The following ABCC8 variants were observed in gnomAD, a reference collection of about 807,000 sequenced individuals.
ABCC8 encodes ATP binding cassette subfamily C member 8.
In ABCC8, 137 loss-of-function variants were observed where a neutral mutation model predicts 188.0. The ratio of observed to expected loss-of-function variants is 0.73; its 90% confidence interval spans 0.63 to 0.84. The LOEUF (loss-of-function observed/expected upper bound fraction) is 0.84. Ranked by LOEUF, ABCC8 falls within the 40% of genes least tolerant of loss-of-function variation. The probability of loss-of-function intolerance (pLI) is 0.00; values close to 1 mark genes in which losing one functional copy is unlikely to be tolerated. For missense variants in ABCC8, 1,750 were observed against 2,072.7 expected (o/e 0.84, Z 3.02); for synonymous variants, 797 against 846.5 (o/e 0.94, Z 1.01).
chr11:17,460,406 C>T, intron 6 of ABCC8, 82 bp downstream of exon 6: 2 of 1,602,682 alleles, frequency 1.2e-6, no homozygotes, highest in Non-Finnish European at 1.7e-6. Context: ...GGCCATGGCT[C>T]ACACACATTG....
intron 29 of ABCC8, among the ~76,000 whole-genome samples, chr11:17,399,276 A>C (rs1178504023): frequency 7.2e-5 from 2 of 27,886 alleles, no homozygotes; most frequent in Non-Finnish European, 1.6e-4. Context: ...ACTCTGCCTC[A>C]AAAAAAAAAA....
intron 8 of ABCC8, among the ~76,000 whole-genome samples, chr11:17,446,420 C>G (rs1446398945): frequency 6.6e-6 from 1 of 151,890 alleles, no homozygotes; most frequent in Non-Finnish European, 1.5e-5. Flanking sequence ...GAAGCATGGT[C>G]AGAAATCTTC....
intron 12 of ABCC8, chr11:17,430,305 C>A (rs949122684): frequency 6.8e-5 from 14 of 206,724 alleles, no homozygotes; most frequent in African/African-American, 3.2e-4. Context: ...GAGCTGTGGG[C>A]CAATCAGAGC....
intron 6 of ABCC8, among the ~76,000 whole-genome samples, chr11:17,458,308 C>A (rs78187424): frequency 6.6e-6 from 1 of 152,184 alleles, no homozygotes; most frequent in Admixed American, 6.5e-5. Flanking sequence ...TCCAATGAGA[C>A]GGTAATAAAC....
At chr11:17,448,313 G>T in intron 8 of ABCC8, 2 of 604,704 alleles carry the variant, frequency 3.3e-6, no homozygotes, top group South Asian at 3.9e-5. Context: ...TGCCTTCTCT[G>T]GTCATTAAGA....
intron 1 of ABCC8, 91 bp downstream of exon 1, chr11:17,476,535 CCGG>C: frequency 6.7e-7 from 1 of 1,487,368 alleles, no homozygotes; most frequent in South Asian, 1.2e-5. Flanking sequence ...CGGTCGCGGG[CCGG>C]AAGGGGACGC....
In ABCC8 at chr11:17,463,464, C is replaced by G; in HGVS notation, c.553G>C (p.Val185Leu). The G allele has an allele frequency of 6.2e-7, 1 of 1,605,930 alleles. No homozygotes were observed. Among genetic ancestry groups the G allele is most frequent in the Non-Finnish European group, 8.5e-7 (1 of 1,176,446 alleles). The change falls in exon 4 of 39, where the codon GTG (valine) becomes CTG (leucine). Residue 185 changes from valine to leucine, a missense_variant. By Grantham distance (32) the Val-to-Leu change is conservative. Coordinates refer to ENST00000389817, the MANE Select transcript of ABCC8 (RefSeq NM_000352.6). ...LVILYGMLLL[V>L]EVNVIRVRRY... The stretch of plus-strand genomic sequence containing the variant: ...CTCACCCTGATGACATTGACCTCCA[C>G]GAGGAGCAGCATCCCATAGAGGATC...
intron 38 of ABCC8, 73 bp from the exon 39 acceptor site, chr11:17,393,201 G>A (rs1185161086): frequency 5.0e-6 from 8 of 1,594,506 alleles, no homozygotes; most frequent in African/African-American, 1.3e-5. Context: ...GCTGAGGGTG[G>A]CCCTCCTGCG....
At chr11:17,438,543 G>A (rs546712451) in intron 10 of ABCC8, among the ~76,000 whole-genome samples, 2 of 152,346 alleles carry the variant, frequency 1.3e-5, no homozygotes, top group South Asian at 2.1e-4. Context: ...AGCATATCGA[G>A]TGCTTGCCTG....
intron 21 of ABCC8, among the ~76,000 whole-genome samples, chr11:17,411,870 T>C (rs1441718292): frequency 1.3e-5 from 2 of 151,238 alleles, no homozygotes; most frequent in African/African-American, 4.9e-5. Flanking sequence ...CATGAAGTAG[T>C]GTAAGGATTG....
chr11:17,395,322 C>T (rs912484225), intron 35 of ABCC8, 47 bp from the exon 36 acceptor site: 2 of 1,552,948 alleles, frequency 1.3e-6, no homozygotes, highest in African/African-American at 1.4e-5. Context: ...CAGGGTCCTG[C>T]CTGCATCCCC....
chr11:17,414,414 T>A, intron 19 of ABCC8, 98 bp downstream of exon 19: 1 of 1,511,610 alleles, frequency 6.6e-7, no homozygotes, highest in Non-Finnish European at 9.2e-7. Flanking sequence ...GTGAGATGGC[T>A]GGGTGTGGGT....
At chr11:17,435,945 A>C in intron 10 of ABCC8, 1 of 1,569,676 alleles carries the variant, frequency 6.4e-7, no homozygotes. Flanking sequence ...AGACCCCTGC[A>C]CTCAAAGCAA....
intron 8 of ABCC8, chr11:17,444,228 CAGGTGTT>C (rs1369666984): frequency 2.6e-5 from 4 of 152,248 alleles, no homozygotes; most frequent in Admixed American, 2.6e-4. Context: ...CAGTGTTTAA[CAGGTGTT>C]AGATGCTGGC....
In ABCC8 at chr11:17,427,137, C is replaced by A. The variant is rs754340214; in HGVS notation, c.2134G>T (p.Val712Leu). ...RIPRGQLTMI[V>L]GQVGCGKSSL... ...GACTTGCCGCAGCCCACCTGCCCCA[C>A]GATCATAGTCAGCTGGCCTGCAGGG... is the stretch of plus-strand genomic sequence containing the variant. The change falls in exon 16 of 39, where the codon GTG becomes TTG. Residue 712 changes from valine to leucine, a missense_variant. By Grantham distance (32) the Val-to-Leu change is conservative (BLOSUM62 1). Transcript: ENST00000389817. The surrounding 1 kb of genome is among the most constrained non-coding windows in gnomAD (Gnocchi z 5.0). 27 of 1,613,202 alleles carry A rather than the reference C, an allele frequency of 1.7e-5. No homozygotes were observed. Among genetic ancestry groups the A allele is most frequent in the East Asian group, 2.2e-5 (1 of 44,818 alleles).
At chr11:17,464,105 T>C (rs952313490) in intron 3 of ABCC8, among the ~76,000 whole-genome samples, 2 of 152,230 alleles carry the variant, frequency 1.3e-5, no homozygotes, top group Non-Finnish European at 2.9e-5. Context: ...CTGGAGCCCA[T>C]GCATGCAAGC....
chr11:17,435,847 A>G, intron 10 of ABCC8: 1 of 1,239,840 alleles, frequency 8.1e-7, no homozygotes. Context: ...TGTGTGGATC[A>G]GTGCTGGCCC....
chr11:17,456,170 C>T (rs1260818687), intron 6 of ABCC8, among the ~76,000 whole-genome samples: 4 of 152,120 alleles, frequency 2.6e-5, no homozygotes, highest in South Asian at 4.1e-4. Context: ...ATCATAGGCC[C>T]TAGTCTTGCA....
rs754026684 is a variant in ABCC8 at position 17,448,571 on chromosome 11, T to C, written c.1277A>G (p.Asn426Ser). 9.9e-6 allele frequency: 16 copies of C among 1,614,206 alleles called. No homozygotes were observed. The highest frequency in any genetic ancestry group is 1.7e-5 in the Admixed American group (1 of 60,026). ...CAAGAAGAAAAACCACATGAGCTGATTGGTGTCGATGGCAACCAGATTACA... is the reference window on the plus strand; with the variant it reads ...CAAGAAGAAAAACCACATGAGCTGACTGGTGTCGATGGCAACCAGATTACA... Reference protein sequence around the residue: ...QICNLVAIDTNQLMWFFFLCP... With the variant: ...QICNLVAIDTSQLMWFFFLCP... The change falls in exon 8 of 39, where the codon AAT (asparagine) becomes AGT (serine). Residue 426 changes from asparagine to serine, a missense_variant. Transcript: ENST00000389817.
Sources: allele counts gnomAD v4.1 joint callset (sites outside exome capture counted in the v4.1 genomes callset), GRCh38; gene constraint gnomAD v4.1.1; non-coding constraint Gnocchi (gnomAD v3.1); transcripts MANE v1.5; gene names NCBI Gene and HGNC (gene_info 2026-07-23, HGNC 2026-07-21).